The following SLC4A10 variants were observed in gnomAD, a reference collection of about 807,000 sequenced individuals.
The protein encoded by SLC4A10 is solute carrier family 4 member 10, also known as sodium-driven chloride bicarbonate exchanger.
SLC4A10 carries 42 observed loss-of-function variants against 137.7 expected under a neutral mutation model. The ratio of observed to expected loss-of-function variants is 0.30; its 90% confidence interval spans 0.24 to 0.39. SLC4A10 has a LOEUF of 0.39. SLC4A10 is among the 10% of genes least tolerant of loss of function. SLC4A10 has a pLI of 1.00. For synonymous variants in SLC4A10, 474 were observed against 464.1 expected (o/e 1.02, Z -0.27); for missense variants, 925 against 1,355.0 (o/e 0.68, Z 4.98).
chr2:161,836,948 C>T (rs1460422329), intron 3 of SLC4A10, among the ~76,000 whole-genome samples: 1 of 152,152 alleles, frequency 6.6e-6, no homozygotes, highest in Non-Finnish European at 1.5e-5. Flanking sequence ...TCTATATCCA[C>T]TGACATATTC....
intron 3 of SLC4A10, among the ~76,000 whole-genome samples, chr2:161,832,586 A>G (rs918580526): frequency 6.6e-6 from 1 of 152,144 alleles, no homozygotes; most frequent in African/African-American, 2.4e-5. Context: ...CAGGCAACAG[A>G]TATGATTTAA....
At chr2:161,748,175 TATG>T (rs1444195776) in intron 1 of SLC4A10, among the ~76,000 whole-genome samples, 1 of 152,180 alleles carries the variant, frequency 6.6e-6, no homozygotes, top group Admixed American at 6.6e-5. Context: ...ACCAATCTCT[TATG>T]ATGAGACATA....
chr2:161,865,907 G>C (rs934575283), intron 6 of SLC4A10, among the ~76,000 whole-genome samples: 1 of 151,774 alleles, frequency 6.6e-6, no homozygotes, highest in Admixed American at 6.6e-5. Context: ...AAAAGTAAAG[G>C]TAATACTATT....
intron 2 of SLC4A10, among the ~76,000 whole-genome samples, chr2:161,777,170 GT>G (rs1466794568): frequency 6.6e-6 from 1 of 150,536 alleles, no homozygotes; most frequent in African/African-American, 2.4e-5. Context: ...ATTTAATAGG[GT>G]AAAAAAATTT....
At chr2:161,942,714 G>T (rs980236676) in intron 15 of SLC4A10, 78 bp from the exon 16 acceptor site, 1 of 1,046,260 alleles carries the variant, frequency 9.6e-7, no homozygotes, top group Non-Finnish European at 1.4e-6. Context: ...TGGAGAAAAT[G>T]GAGCCGTTAT....
intron 1 of SLC4A10, among the ~76,000 whole-genome samples, chr2:161,709,547 AAAGCTTGTGACATTT>A (rs375632433): frequency 2.6e-5 from 4 of 151,726 alleles, no homozygotes; most frequent in African/African-American, 4.8e-5. Context: ...TTTCACAAAG[AAAGCTTGTGACATTT>A]AAGCTTGTTG....
intron 23 of SLC4A10, among the ~76,000 whole-genome samples, chr2:161,967,793 T>C (rs1174554284): frequency 6.6e-6 from 1 of 152,244 alleles, no homozygotes; most frequent in African/African-American, 2.4e-5. Flanking sequence ...CTCTTGTTTA[T>C]ATCAATTAGC....
intron 1 of SLC4A10, among the ~76,000 whole-genome samples, chr2:161,625,076 TG>T: frequency 4.9e-5 from 1 of 20,454 alleles, no homozygotes; most frequent in Non-Finnish European, 1.5e-4. Flanking sequence ...CGTGTGTGTG[TG>T]TGTGTGTGTG....
In SLC4A10 at chr2:161,904,181, A is replaced by G; in HGVS notation, c.1617+3A>G. 6.2e-7 allele frequency: 1 copy of G among 1,606,664 alleles called. No homozygotes were observed. Among genetic ancestry groups the G allele is most frequent in the Non-Finnish European group, 8.5e-7 (1 of 1,176,590 alleles). The stretch of plus-strand genomic sequence containing the variant: ...GAGAAGCAACTGAAGGGCGTATAGT[A>G]TGTATTATGCTTTTCTCTGAACTTT... On this transcript the variant is annotated splice_donor_region_variant and intron_variant, in intron 13 of 26. Coordinates refer to ENST00000446997, the MANE Select transcript of SLC4A10 (RefSeq NM_001178015.2).
At chr2:161,960,363 C>CAAAA (rs369670130) in intron 21 of SLC4A10, among the ~76,000 whole-genome samples, 16 of 45,932 alleles carry the variant, frequency 3.5e-4, no homozygotes, top group East Asian at 7.7e-4. Flanking sequence ...GACTCTGTCT[C>CAAAA]AAAAAAAAAA....
chr2:161,921,676 G>C (rs1372656701), intron 15 of SLC4A10, among the ~76,000 whole-genome samples: 2 of 152,210 alleles, frequency 1.3e-5, no homozygotes, highest in African/African-American at 4.8e-5. Flanking sequence ...TGTGGGACAA[G>C]TATTATCCCT....
chr2:161,827,432 T>G (rs1298683916), intron 3 of SLC4A10, among the ~76,000 whole-genome samples: 1 of 152,174 alleles, frequency 6.6e-6, no homozygotes, highest in African/African-American at 2.4e-5. Flanking sequence ...TTCTGACAAC[T>G]CTCTTTTAAT....
chr2:161,929,739 A>C (rs1392058992), intron 15 of SLC4A10, among the ~76,000 whole-genome samples: 1 of 152,184 alleles, frequency 6.6e-6, no homozygotes, highest in African/African-American at 2.4e-5. Context: ...ATCTCCAAGG[A>C]TCTTAAAACT....
chr2:161,950,949 A>C, intron 19 of SLC4A10, 101 bp downstream of exon 19: 1 of 938,726 alleles, frequency 1.1e-6, no homozygotes. Context: ...ACAGTGAAAT[A>C]TATAAAATAA....
rs1411740106 is a variant in SLC4A10, at chr2:161,753,887, T to TTTATTTAC, written c.49-17079_49-17078insCTTATTTA. Among the ~76,000 whole-genome samples, 325 of 149,896 alleles carry TTTATTTAC rather than the reference T, an allele frequency of 2.2e-3. 10 individuals are homozygous for TTTATTTAC. Among genetic ancestry groups the TTTATTTAC allele is most frequent in the Non-Finnish European group, 3.8e-3 (258 of 67,482 alleles). On this transcript the variant is annotated intron_variant, in intron 1 of 26. Transcript: ENST00000446997. ...ATTTATTTATTTATTTATTTATTTA[T>TTTATTTAC]TTATTTATTTATTTATTTTTGGGAC...
chr2:161,675,987 T>C (rs2040237123), intron 1 of SLC4A10, among the ~76,000 whole-genome samples: 1 of 152,210 alleles, frequency 6.6e-6, no homozygotes, highest in South Asian at 2.1e-4. Context: ...ATTCTGTTTT[T>C]TAGTCAGCGG....
chr2:161,781,046 C>T (rs1168733225), intron 2 of SLC4A10, among the ~76,000 whole-genome samples: 6 of 152,020 alleles, frequency 3.9e-5, no homozygotes, highest in Non-Finnish European at 8.8e-5. Context: ...ACCAGTGTGG[C>T]CAAACCAAGG....
intron 21 of SLC4A10, among the ~76,000 whole-genome samples, chr2:161,961,633 C>T (rs939010987): frequency 1.3e-5 from 2 of 150,308 alleles, no homozygotes; most frequent in Non-Finnish European, 2.9e-5. Context: ...AGGCCCCAGG[C>T]TCACATAAAT....
chr2:161,878,702 A>G (rs2061577583), intron 8 of SLC4A10, among the ~76,000 whole-genome samples: 1 of 152,176 alleles, frequency 6.6e-6, no homozygotes, highest in Non-Finnish European at 1.5e-5. Context: ...ACAGGATTAT[A>G]TTTCTTTTGA....
Sources: gnomAD v4.1 joint callset for allele counts (sites outside exome capture counted in the v4.1 genomes callset) on GRCh38, gnomAD v4.1.1 for gene constraint, MANE v1.5 for transcripts, NCBI Gene and HGNC (gene_info 2026-07-23, HGNC 2026-07-21) for gene names.